Variants in RIN3 observed in about 807,000 individuals in gnomAD.
RIN3 encodes the protein Ras and Rab interactor 3.
Under a neutral mutation model 76.3 loss-of-function variants are expected in RIN3, and 54 were observed. That is an observed-to-expected ratio of 0.71 (90% CI 0.57 to 0.89). The LOEUF is 0.89. Ranked by LOEUF, RIN3 falls within the 40% of genes least tolerant of loss-of-function variation. The pLI is 0.00. For missense variants in RIN3, 1,256 were observed against 1,322.1 expected (o/e 0.95, Z 0.78); for synonymous variants, 576 against 564.0 (o/e 1.02, Z -0.30).
rs1369132521 is a variant in RIN3 at position 92,685,436 on chromosome 14, C to G, written c.2631+286C>G. 1.0e-5 allele frequency: 4 copies of G among 390,340 alleles called. No individual in the cohort carries two copies. The highest frequency in any genetic ancestry group is 1.9e-5 in the Non-Finnish European group (4 of 209,902). 24.2% of individuals were successfully genotyped at this position (390,340 alleles called of 1,614,324 possible). On this transcript the variant is annotated intron_variant, in intron 9 of 9. Transcript: ENST00000216487. This position sits in a 1 kb window ranked among gnomAD's most constrained non-coding sequence, Gnocchi z 4.7. ...GAGACACACCCATCATTCCTTAGCC[C>G]CTCCTAGGACCCAGCACCCTGCAGG...
chr14:92,603,942 G>A (rs1885435177), intron 3 of RIN3, among the ~76,000 whole-genome samples: 2 of 152,228 alleles, frequency 1.3e-5, no homozygotes, highest in Admixed American at 6.5e-5. Context: ...TCAGAAAATC[G>A]TGCCTTTGGA....
rs183531504 is a variant in RIN3 at position 92,645,730 on chromosome 14, C to T, written c.532+4401C>T. ...CAGAACTGTGGGAGGCCAAGGCGGGCGGATCATGAGGTCAGGAGTTCAAGA... is the reference window on the plus strand; with the variant it reads ...CAGAACTGTGGGAGGCCAAGGCGGGTGGATCATGAGGTCAGGAGTTCAAGA... On this transcript the variant is annotated intron_variant, in intron 5 of 9. Transcript: ENST00000216487. Among the ~76,000 whole-genome samples, 234 of 152,228 alleles carry T rather than the reference C, an allele frequency of 1.5e-3. 1 individual carries two copies. The highest frequency in any genetic ancestry group is 5.0e-3 in the African/African-American group (209 of 41,542).
intron 3 of RIN3, among the ~76,000 whole-genome samples, chr14:92,601,511 A>G (rs1885343620): frequency 6.6e-6 from 1 of 152,074 alleles, no homozygotes; most frequent in African/African-American, 2.4e-5. Flanking sequence ...TGAAGGTGGT[A>G]TTTTCTGGAC....
intron 3 of RIN3, among the ~76,000 whole-genome samples, chr14:92,606,666 G>C (rs1885536081): frequency 1.3e-5 from 2 of 152,168 alleles, no homozygotes; most frequent in Admixed American, 1.3e-4. Context: ...ACTCTCAACA[G>C]CACTAATCAT....
At chr14:92,525,765 C>A (rs374253384) in intron 1 of RIN3, among the ~76,000 whole-genome samples, 1 of 152,202 alleles carries the variant, frequency 6.6e-6, no homozygotes, top group South Asian at 2.1e-4. Context: ...CCGCTGTGGC[C>A]TGCATGGCAC....
At chr14:92,531,836 C>T (rs1279835607) in intron 1 of RIN3, among the ~76,000 whole-genome samples, 2 of 152,176 alleles carry the variant, frequency 1.3e-5, no homozygotes, top group African/African-American at 2.4e-5. Context: ...CAGTGGTTCA[C>T]TCTGCCAAAG....
intron 1 of RIN3, 137 bp from the exon 2 acceptor site, chr14:92,555,614 A>ATT: frequency 1.2e-6 from 1 of 804,088 alleles, no homozygotes; most frequent in Non-Finnish European, 2.0e-6. Flanking sequence ...TGGTTTGTTG[A>ATT]TTTTTTTTTA....
At chr14:92,561,119 T>A (rs12880977) in intron 2 of RIN3, among the ~76,000 whole-genome samples, 1 of 113,364 alleles carries the variant, frequency 8.8e-6, no homozygotes, top group Non-Finnish European at 1.8e-5. Flanking sequence ...TTATATATAT[T>A]TATATATATT....
At chr14:92,657,226 G>T (rs879846904) in intron 6 of RIN3, among the ~76,000 whole-genome samples, 13 of 152,126 alleles carry the variant, frequency 8.5e-5, no homozygotes, top group African/African-American at 1.2e-4. Flanking sequence ...CAGGCATGGT[G>T]GTGGGTACCT....
rs1015440327 is a variant in RIN3, at chr14:92,576,380, C to T, written c.250-980C>T. 34 of 1,289,650 alleles carry T rather than the reference C, an allele frequency of 2.6e-5. 1 individual carries two copies. The highest frequency in any genetic ancestry group is 2.1e-4 in the Middle Eastern group (1 of 4,714). 79.9% of individuals were successfully genotyped at this position (1,289,650 alleles called of 1,614,324 possible). ...AACATGCTGGCTCTGGGTGAGACCT[C>T]GGTTAGTATTTGGTTTCTAGAGCAC... is the stretch of plus-strand genomic sequence containing the variant. On this transcript the variant is annotated intron_variant, in intron 2 of 9. Coordinates refer to ENST00000216487, the MANE Select transcript of RIN3 (RefSeq NM_024832.5).
chr14:92,628,499 G>A (rs568060874), intron 4 of RIN3, among the ~76,000 whole-genome samples: 8 of 152,272 alleles, frequency 5.3e-5, no homozygotes, highest in South Asian at 4.1e-4. Flanking sequence ...GGGCACTGGC[G>A]CCACTTTCCA....
intron 1 of RIN3, among the ~76,000 whole-genome samples, chr14:92,539,118 G>A (rs1897075646): frequency 6.6e-6 from 1 of 151,906 alleles, no homozygotes; most frequent in African/African-American, 2.4e-5. Flanking sequence ...CTCCAGCTTG[G>A]CCCCTAAATC....
Position 92,546,276 on chromosome 14 carries a change from G to A in RIN3, c.45-9475G>A, listed in dbSNP as rs546264339. Among the ~76,000 whole-genome samples, 11 of 152,276 alleles carry A rather than the reference G, an allele frequency of 7.2e-5. 1 individual carries two copies. The South Asian group carries it at 2.1e-3, about 29-fold the overall frequency. On this transcript the variant is annotated intron_variant, in intron 1 of 9. Coordinates refer to ENST00000216487, the MANE Select transcript of RIN3 (RefSeq NM_024832.5). Reference sequence around the variant, plus strand: ...TAATAGGTGTACATATTTTGGGGGTGCATGTGATCTTCTGACACATTCATG... The same window carrying A: ...TAATAGGTGTACATATTTTGGGGGTACATGTGATCTTCTGACACATTCATG...
chr14:92,533,638 G>C (rs1337122981), intron 1 of RIN3, among the ~76,000 whole-genome samples: 1 of 152,296 alleles, frequency 6.6e-6, no homozygotes, highest in East Asian at 1.9e-4. Context: ...AACATCATAT[G>C]TTCTCACTCC....
In RIN3 at chr14:92,514,674, G is replaced by A. The variant is rs374779622; in HGVS notation, c.44+698G>A. 6.6e-6 allele frequency among the ~76,000 whole-genome samples: 1 copy of A among 152,202 alleles called. No individual in the cohort carries two copies. The highest frequency in any genetic ancestry group is 1.9e-4 in the East Asian group (1 of 5,196). ...ATGGTTTGGGAACTGACTTGGAGAG[G>A]AGTCCCCGGTGGCTAAGTCCCCGCT... On this transcript the variant is annotated intron_variant, in intron 1 of 9. Coordinates refer to ENST00000216487, the MANE Select transcript of RIN3 (RefSeq NM_024832.5). The surrounding 1 kb of genome is among the most constrained non-coding windows in gnomAD (Gnocchi z 7.2).
intron 1 of RIN3, among the ~76,000 whole-genome samples, chr14:92,537,634 C>CTTTTGTTTTTTTTTTTTTTTTTT (rs1897030321): frequency 1.9e-5 from 1 of 51,628 alleles, no homozygotes; most frequent in Admixed American, 3.1e-4. Context: ...GCCTTAGGGA[C>CTTTTGTTTTTTTTTTTTTTTTTT]TTTTTTTTTT....
intron 4 of RIN3, among the ~76,000 whole-genome samples, chr14:92,626,478 G>A (rs1209564872): frequency 6.6e-6 from 1 of 152,218 alleles, no homozygotes; most frequent in Non-Finnish European, 1.5e-5. Flanking sequence ...TACAAAGCCA[G>A]TAGCTCCTCC....
At chr14:92,662,855 C>G (rs996369472) in intron 7 of RIN3, among the ~76,000 whole-genome samples, 2 of 150,422 alleles carry the variant, frequency 1.3e-5, no homozygotes, top group African/African-American at 4.9e-5. Context: ...TTTTTTAACA[C>G]GGGGTCTCTT....
intron 7 of RIN3, 169 bp downstream of exon 7, chr14:92,659,638 G>A (rs1887806883): frequency 1.4e-5 from 8 of 581,830 alleles, no homozygotes; most frequent in Non-Finnish European, 2.3e-5. Context: ...GGGCCCTCTT[G>A]GAGTTACCTG....
Sources: gnomAD v4.1 joint callset for allele counts (sites outside exome capture counted in the v4.1 genomes callset) on GRCh38, gnomAD v4.1.1 for gene constraint, Gnocchi (gnomAD v3.1) non-coding constraint, MANE v1.5 for transcripts, NCBI Gene and HGNC (gene_info 2026-07-23, HGNC 2026-07-21) for gene names.